RAB37: variants seen among roughly 807,000 people sequenced by gnomAD.
The protein encoded by RAB37 is ras-related protein Rab-37.
RAB37 carries 29 observed loss-of-function variants against 33.1 expected under a neutral mutation model. The observed-to-expected ratio is 0.88, with a 90% confidence interval of 0.65 to 1.20. The LOEUF (loss-of-function observed/expected upper bound fraction) is 1.20. Among genes scored for constraint, RAB37 ranks in the 50% most tolerant of loss-of-function variants. RAB37 has a pLI of 0.00. For synonymous variants in RAB37, 128 were observed against 119.5 expected (o/e 1.07, Z -0.47); for missense variants, 299 against 301.1 (o/e 0.99, Z 0.05).
chr17:74,699,374 C>T (rs777014850), intron 1 of RAB37, among the ~76,000 whole-genome samples: 22 of 152,168 alleles, frequency 1.4e-4, no homozygotes, highest in Non-Finnish European at 2.6e-4. Flanking sequence ...CTCTTCCCCT[C>T]GAATTCACAT....
intron 1 of RAB37, among the ~76,000 whole-genome samples, chr17:74,723,499 A>C (rs1218708045): frequency 6.6e-6 from 1 of 152,188 alleles, no homozygotes; most frequent in Non-Finnish European, 1.5e-5. Context: ...AAAATGACTC[A>C]AGAAAGAACA....
chr17:74,686,058 T>C (rs117155903), intron 1 of RAB37, among the ~76,000 whole-genome samples: 1,999 of 152,106 alleles, frequency 0.013, 36 homozygotes, highest in Non-Finnish European at 0.018. Context: ...CTTCACTCTA[T>C]CTCCACGTTC....
intron 1 of RAB37, among the ~76,000 whole-genome samples, chr17:74,696,039 C>A (rs529391642): frequency 1.3e-5 from 2 of 152,300 alleles, no homozygotes; most frequent in East Asian, 3.9e-4. Flanking sequence ...CTGGCTGTTT[C>A]CAGGCCCTCA....
chr17:74,671,248 C>T lies in RAB37; in HGVS notation c.-339C>T, dbSNP rs893626100. 2.4e-5 allele frequency: 7 copies of T among 291,386 alleles called. No individual in the cohort carries two copies. The highest frequency in any genetic ancestry group is 1.5e-4 in the African/African-American group (7 of 46,816). 18.1% of individuals were successfully genotyped at this position (291,386 alleles called of 1,614,324 possible). A position where few individuals can be genotyped will look rare whatever the true frequency, so the allele number is the denominator to read the frequency against. ...GTAGCTGAATGAAATACGCAGGGAT[C>T]ACCAGCCGGACCCAAATCTTGCGTC... On this transcript the variant is annotated 5_prime_UTR_variant, in exon 1 of 8. Transcript: ENST00000340415. The surrounding 1 kb of genome is among the most constrained non-coding windows in gnomAD (Gnocchi z 5.0).
At chr17:74,702,802 G>A (rs921696763) in intron 1 of RAB37, among the ~76,000 whole-genome samples, 16 of 152,192 alleles carry the variant, frequency 1.1e-4, no homozygotes, top group Non-Finnish European at 2.4e-4. Flanking sequence ...AAAGTGGGGC[G>A]AACGAATGAA....
Position 74,738,772 on chromosome 17 carries a change from G to C in RAB37, c.93+1407G>C, listed in dbSNP as rs1177621256. Among the ~76,000 whole-genome samples the C allele has an allele frequency of 6.6e-6, 1 of 152,144 alleles. No individual in the cohort carries two copies. The highest frequency in any genetic ancestry group is 2.4e-5 in the African/African-American group (1 of 41,438). ...GCCTCCCCGGGCCTGCCCCAGGGGA[G>C]TGAGTCCAGGACCCTCTGAGAAAGC... On this transcript the variant is annotated intron_variant, in intron 1 of 8. Transcript: ENST00000392613. This position sits in a 1 kb window ranked among gnomAD's most constrained non-coding sequence, Gnocchi z 5.0.
At position 74,744,381 on chromosome 17, in the gene RAB37, G is replaced by A. The variant is rs1308659250; in HGVS notation, c.432+8G>A. On this transcript the variant is annotated splice_region_variant and intron_variant, in intron 6 of 8. Transcript: ENST00000392613. The surrounding 1 kb of genome is among the most constrained non-coding windows in gnomAD (Gnocchi z 4.2). ...ATGCTGCTAGGCAACAAGGTGAGTG[G>A]CTCCGGGGCAGGGTCAGCCCAGCCC... 9.9e-6 allele frequency: 16 copies of A among 1,613,866 alleles called. No homozygotes were observed. The highest frequency in any genetic ancestry group is 1.4e-5 in the Non-Finnish European group (16 of 1,179,920).
intron 1 of RAB37, among the ~76,000 whole-genome samples, chr17:74,737,992 A>G (rs1490588340): frequency 6.6e-6 from 1 of 152,166 alleles, no homozygotes; most frequent in Non-Finnish European, 1.5e-5. Context: ...GGTCTTTCGC[A>G]TCCCGCACTT....
intron 1 of RAB37, chr17:74,705,079 C>T (rs1300245681): frequency 2.7e-5 from 17 of 637,168 alleles, no homozygotes; most frequent in Non-Finnish European, 1.4e-5. Context: ...GCAGTTCACC[C>T]CTCTCTCCAC....
At position 74,745,068 on chromosome 17, in the gene RAB37, T is replaced by C; in HGVS notation, c.550T>C (p.Phe184Leu). 1 of 1,614,182 alleles carries C rather than the reference T, an allele frequency of 6.2e-7. No individual in the cohort carries two copies. Among genetic ancestry groups the C allele is most frequent in the Non-Finnish European group, 8.5e-7 (1 of 1,180,034 alleles). ...AKTGMNVELA[F>L]LAIAKELKYR... ...GACTGGCATGAATGTGGAGTTAGCC[T>C]TTCTGGCCATCGCCAAGTGAGAGCT... Residue 184 changes from phenylalanine (F) to leucine (L), a missense_variant, in exon 8 of 9, where the codon TTT becomes CTT. By Grantham distance (22) the Phe-to-Leu change is conservative. Transcript: ENST00000392613. This position sits in a 1 kb window ranked among gnomAD's most constrained non-coding sequence, Gnocchi z 4.5.
intron 1 of RAB37, among the ~76,000 whole-genome samples, chr17:74,675,302 GCA>G (rs1263810899): frequency 1.3e-5 from 2 of 152,000 alleles, no homozygotes; most frequent in East Asian, 1.9e-4. Context: ...GGGGGTGGTG[GCA>G]TGCACCTGCA....
intron 1 of RAB37, chr17:74,698,675 G>T: frequency 7.2e-7 from 1 of 1,387,528 alleles, no homozygotes; most frequent in Admixed American, 2.8e-5. Flanking sequence ...ACAAAGAAGG[G>T]AATGGAACAA....
At chr17:74,703,454 G>A (rs2033241640) in intron 1 of RAB37, among the ~76,000 whole-genome samples, 1 of 152,070 alleles carries the variant, frequency 6.6e-6, no homozygotes, top group African/African-American at 2.4e-5. Context: ...CAGTGCCTTG[G>A]TCAATCTCCA....
intron 1 of RAB37, chr17:74,695,789 T>C (rs2034310): frequency 0.79 from 1,282,080 of 1,613,910 alleles, 511,975 homozygotes; most frequent in Middle Eastern, 0.86. Flanking sequence ...GGTAGCCTTT[T>C]GCGGGGAGGT....
At chr17:74,681,042 T>G (rs2031944522) in intron 1 of RAB37, among the ~76,000 whole-genome samples, 1 of 152,108 alleles carries the variant, frequency 6.6e-6, no homozygotes, top group Admixed American at 6.6e-5. Flanking sequence ...CACATGCCAG[T>G]CCCCAGGAAC....
At position 74,744,279 on chromosome 17, in the gene RAB37, A is replaced by G; in HGVS notation, c.367-29A>G. 6.2e-7 allele frequency: 1 copy of G among 1,603,992 alleles called. No individual in the cohort carries two copies. Among genetic ancestry groups the G allele is most frequent in the South Asian group, 1.1e-5 (1 of 90,468 alleles). On this transcript the variant is annotated intron_variant, in intron 5 of 8. Transcript: ENST00000392613. This position sits in a 1 kb window ranked among gnomAD's most constrained non-coding sequence, Gnocchi z 4.2. Reference sequence around the variant, plus strand: ...AGAAAGGGGCAGCAGGAGGAAGAGAATGCCAGTCTCGCACGCCCTCTCCCA... The same window carrying G: ...AGAAAGGGGCAGCAGGAGGAAGAGAGTGCCAGTCTCGCACGCCCTCTCCCA...
In RAB37 at chr17:74,676,566, T is replaced by C. The variant is rs183963415; in HGVS notation, c.72+4908T>C. Among the ~76,000 whole-genome samples, 2 of 152,310 alleles carry C rather than the reference T, an allele frequency of 1.3e-5. No homozygotes were observed. Among genetic ancestry groups the C allele is most frequent in the East Asian group, 1.9e-4 (1 of 5,190 alleles). On this transcript the variant is annotated intron_variant, in intron 1 of 7. Transcript: ENST00000340415. This position sits in a 1 kb window ranked among gnomAD's most constrained non-coding sequence, Gnocchi z 4.1. ...CTTCTTCTATTACCCATCTTGTAAT[T>C]TCTGTGTCCCTCAAAAGTCCGCATG... is the stretch of plus-strand genomic sequence containing the variant.
In RAB37 at chr17:74,686,388, C is replaced by T. The variant is rs545585867; in HGVS notation, c.72+14730C>T. Among the ~76,000 whole-genome samples the T allele has an allele frequency of 3.3e-4, 50 of 150,746 alleles. No homozygotes were observed. In the South Asian group the frequency reaches 8.7e-3, roughly 26 times the overall value. On this transcript the variant is annotated intron_variant, in intron 1 of 7. Coordinates refer to the RAB37 transcript ENST00000340415. ...GATTACAGACGTGAGCCACCAAGCC[C>T]GGCCTATTATTATTATTTTTGAGAT...
chr17:74,689,402 C>T (rs1483199847), intron 1 of RAB37, among the ~76,000 whole-genome samples: 2 of 151,736 alleles, frequency 1.3e-5, no homozygotes, highest in African/African-American at 2.4e-5. Flanking sequence ...AAGATTGCGC[C>T]ACTGCACTCC....
Sources: gnomAD v4.1 joint callset for allele counts (sites outside exome capture counted in the v4.1 genomes callset) on GRCh38, gnomAD v4.1.1 for gene constraint, Gnocchi (gnomAD v3.1) non-coding constraint, MANE v1.5 for transcripts, NCBI Gene and HGNC (gene_info 2026-07-23, HGNC 2026-07-21) for gene names.